Variants in C17orf100 observed in about 807,000 individuals in gnomAD.
The protein encoded by C17orf100 is uncharacterized protein C17orf100.
In C17orf100, 1 loss-of-function variant was observed where a neutral mutation model predicts 0.7. That is an observed-to-expected ratio of 1.50 (90% confidence interval 0.53 to 7.13). The LOEUF (loss-of-function observed/expected upper bound fraction) is 7.13, where lower values mean the gene tolerates loss of function less well. Ranked by LOEUF, C17orf100 falls within the 30% of genes most tolerant of loss-of-function variation. The pLI is 0.14. For missense variants in C17orf100, 168 were observed against 171.5 expected (o/e 0.98, Z 0.11); for synonymous variants, 87 against 84.0 (o/e 1.04, Z -0.20).
In C17orf100 at chr17:6,653,320, A is replaced by G. The variant is rs1972861045; in HGVS notation, c.*1050A>G. The G allele has an allele frequency of 6.0e-6, 1 of 166,468 alleles. No homozygotes were observed. Among genetic ancestry groups the G allele is most frequent in the Non-Finnish European group, 1.5e-5 (1 of 68,128 alleles). 10.3% of individuals were successfully genotyped at this position (166,468 alleles called of 1,614,324 possible). On this transcript the variant is annotated 3_prime_UTR_variant, in exon 1 of 1. Transcript: ENST00000542475. ...CCATCTTAAGTTGGGAACTGTCTGT[A>G]TTCTGGGAACTTGGGCTATAGCAGT...
rs998218485 is a variant in C17orf100, at chr17:6,652,227, G to C, written c.314G>C (p.Arg105Pro). The C allele has an allele frequency of 2.0e-5, 32 of 1,607,870 alleles. No homozygotes were observed. The highest frequency in any genetic ancestry group is 1.6e-4 in the Middle Eastern group (1 of 6,062). Residue 105 changes from arginine to proline, a missense_variant, in exon 1 of 1, where the codon CGG becomes CCG. Physicochemically the swap from Arg to Pro is moderately radical, Grantham distance 103. Transcript: ENST00000542475. Reference protein sequence around the residue: ...SLHCAESPTPRAKPAARQNEK... With the variant: ...SLHCAESPTPPAKPAARQNEK... Reference sequence around the variant, plus strand: ...CACTGCGCGGAGAGCCCGACCCCGCGGGCCAAGCCGGCCGCCCGCCAGAAC... The same window carrying C: ...CACTGCGCGGAGAGCCCGACCCCGCCGGCCAAGCCGGCCGCCCGCCAGAAC...
At position 6,652,329 on chromosome 17, in the gene C17orf100, T is replaced by G; in HGVS notation, c.*59T>G. 1 of 1,599,816 alleles carries G rather than the reference T, an allele frequency of 6.3e-7. No homozygotes were observed. The highest frequency in any genetic ancestry group is 1.1e-5 in the South Asian group (1 of 89,202). On this transcript the variant is annotated 3_prime_UTR_variant, in exon 1 of 1. Transcript: ENST00000542475. ...GGCCCTCAGCCAGGACAGAAAGGCC[T>G]CCAGTTGCCAGCCAGCCAGCCAGCT... is the stretch of plus-strand genomic sequence containing the variant.
In C17orf100 at chr17:6,653,436, T is replaced by G. The variant is rs1972861652; in HGVS notation, c.*1166T>G. 6.5e-6 allele frequency: 1 copy of G among 154,050 alleles called. No individual in the cohort carries two copies. Among genetic ancestry groups the G allele is most frequent in the Non-Finnish European group, 1.5e-5 (1 of 68,056 alleles). 9.5% of individuals were successfully genotyped at this position (154,050 alleles called of 1,614,324 possible). On this transcript the variant is annotated 3_prime_UTR_variant, in exon 1 of 1. Coordinates refer to ENST00000542475, the MANE Select transcript of C17orf100 (RefSeq NM_001105520.2). ...GAAACAAGACAATTTTCTATTGTGA[T>G]TAGCACTATGAAGGAAATACATGGG...
At position 6,652,074 on chromosome 17, in the gene C17orf100, C is replaced by T. The variant is rs369855083; in HGVS notation, c.161C>T (p.Ser54Phe). ...CGCCGCAGCGAGGGGCCCTCCCTCT[C>T]CCCCTCGGGGAAGCGGCTCCCTCGC... is the stretch of plus-strand genomic sequence containing the variant. ...SQRRSEGPSL[S>F]PSGKRLPRIL... The change falls in exon 1 of 1, where the codon TCC (serine) becomes TTC (phenylalanine). Residue 54 changes from serine (S) to phenylalanine (F), a missense_variant. Ser to Phe is a radical substitution (Grantham distance 155). Transcript: ENST00000542475. 8.9e-6 allele frequency: 14 copies of T among 1,569,894 alleles called. No homozygotes were observed. Among genetic ancestry groups the T allele is most frequent in the Non-Finnish European group, 1.2e-5 (14 of 1,161,050 alleles).
rs1972853661 is a variant in C17orf100, at chr17:6,652,469, G to C, written c.*199G>C. The C allele has an allele frequency of 1.4e-6, 2 of 1,460,572 alleles. No homozygotes were observed. The highest frequency in any genetic ancestry group is 1.8e-6 in the Non-Finnish European group (2 of 1,105,588). The allele number at this position is 1,460,572 out of a possible 1,614,324, so 90.5% of individuals were successfully genotyped here. ...ACGTTTACTGACCGTCCTGCGTCTT[G>C]GACCAGCCTACTTTTGACCCAGTGA... On this transcript the variant is annotated 3_prime_UTR_variant, in exon 1 of 1. Coordinates refer to ENST00000542475, the MANE Select transcript of C17orf100 (RefSeq NM_001105520.2).
In C17orf100 at chr17:6,651,818, G is replaced by T; in HGVS notation, c.-96G>T. 6.9e-7 allele frequency: 1 copy of T among 1,443,698 alleles called. No homozygotes were observed. The highest frequency in any genetic ancestry group is 9.1e-7 in the Non-Finnish European group (1 of 1,102,830). The allele number at this position is 1,443,698 out of a possible 1,614,324, so 89.4% of individuals were successfully genotyped here. A position where few individuals can be genotyped will look rare whatever the true frequency, so the allele number is the denominator to read the frequency against. ...ACGTCATCGTGTTGTGGCGCTCCCG[G>T]CTATGGCAGTACCGTAGTTTTCCTC... On this transcript the variant is annotated 5_prime_UTR_variant, in exon 1 of 1. Transcript: ENST00000542475.
Position 6,652,032 on chromosome 17 carries a change from G to T in C17orf100, c.119G>T (p.Arg40Leu). The T allele has an allele frequency of 6.4e-7, 1 of 1,555,728 alleles. No individual in the cohort carries two copies. Among genetic ancestry groups the T allele is most frequent in the Non-Finnish European group, 8.7e-7 (1 of 1,150,882 alleles). The change falls in exon 1 of 1, where the codon CGG becomes CTG. Residue 40 changes from arginine (R) to leucine (L), a missense_variant. By Grantham distance (102) the Arg-to-Leu change is moderately radical. Transcript: ENST00000542475. ...SSHRVETSSR[R>L]VETSQRRSEG... ...CACCGCGTGGAGACGTCGTCCCGGC[G>T]GGTGGAGACCTCCCAGCGCCGCAGC...
chr17:6,651,794 C>G lies in C17orf100; in HGVS notation c.-120C>G, dbSNP rs573264152. 5 of 1,442,156 alleles carry G rather than the reference C, an allele frequency of 3.5e-6. No homozygotes were observed. The South Asian group carries it at 4.5e-5, about 13-fold the overall frequency. 89.3% of individuals were successfully genotyped at this position (1,442,156 alleles called of 1,614,324 possible). On this transcript the variant is annotated 5_prime_UTR_variant, in exon 1 of 1. Coordinates refer to ENST00000542475, the MANE Select transcript of C17orf100 (RefSeq NM_001105520.2). ...CCTTCGAAGGACCATGGTGCTTCCA[C>G]GTCATCGTGTTGTGGCGCTCCCGGC...
chr17:6,652,545 T>G lies in C17orf100; in HGVS notation c.*275T>G. On this transcript the variant is annotated 3_prime_UTR_variant, in exon 1 of 1. Coordinates refer to ENST00000542475, the MANE Select transcript of C17orf100 (RefSeq NM_001105520.2). ...GAAGGTTTTCAGGCCCAGGATGCTG[T>G]CTAAATCGGGTTGATGGACAAAGAG... is the stretch of plus-strand genomic sequence containing the variant. 7.4e-7 allele frequency: 1 copy of G among 1,352,398 alleles called. No homozygotes were observed. Among genetic ancestry groups the G allele is most frequent in the Non-Finnish European group, 9.7e-7 (1 of 1,032,208 alleles). The allele number at this position is 1,352,398 out of a possible 1,614,324, so 83.8% of individuals were successfully genotyped here.
chr17:6,652,190 G>T lies in C17orf100; in HGVS notation c.277G>T (p.Glu93Ter). 1 of 1,605,698 alleles carries T rather than the reference G, an allele frequency of 6.2e-7. No individual in the cohort carries two copies. The change falls in exon 1 of 1, where the codon GAG (glutamate) becomes TAG (stop). Residue 93 changes from glutamate to a stop codon, truncating the protein, a stop_gained. Transcript: ENST00000542475. LOFTEE classifies it low-confidence loss of function (END_TRUNC). ...CGTCAGAGCCTCGTCCCTGAGGGTG[G>T]AGACGTCTCTGCACTGCGCGGAGAG... The part of the protein sequence containing the change: ...RHVRASSLRV[E>*]TSLHCAESPT...
chr17:6,652,507 T>G lies in C17orf100; in HGVS notation c.*237T>G. 1 of 1,434,996 alleles carries G rather than the reference T, an allele frequency of 7.0e-7. No homozygotes were observed. The highest frequency in any genetic ancestry group is 9.2e-7 in the Non-Finnish European group (1 of 1,089,202). 88.9% of individuals were successfully genotyped at this position (1,434,996 alleles called of 1,614,324 possible). On this transcript the variant is annotated 3_prime_UTR_variant, in exon 1 of 1. Coordinates refer to ENST00000542475, the MANE Select transcript of C17orf100 (RefSeq NM_001105520.2). ...TTTGACCCAGTGAACTATTTTCACT[T>G]GAAGCCAGCACAGAAGGTTTTCAGG...
Position 6,652,357 on chromosome 17 carries a change from C to A in C17orf100, c.*87C>A. ...AGTTGCCAGCCAGCCAGCCAGCTGC[C>A]AGGTGGACCAATCATTTTCGGTTTC... On this transcript the variant is annotated 3_prime_UTR_variant, in exon 1 of 1. Coordinates refer to ENST00000542475, the MANE Select transcript of C17orf100 (RefSeq NM_001105520.2). The A allele has an allele frequency of 6.4e-7, 1 of 1,568,868 alleles. No homozygotes were observed. The highest frequency in any genetic ancestry group is 8.6e-7 in the Non-Finnish European group (1 of 1,159,404).
Position 6,651,907 on chromosome 17 carries a change from C to T in C17orf100, c.-7C>T, listed in dbSNP as rs779442321. On this transcript the variant is annotated 5_prime_UTR_variant, in exon 1 of 1. Coordinates refer to ENST00000542475, the MANE Select transcript of C17orf100 (RefSeq NM_001105520.2). ...CGAGGCCTCCCTGGCCCCCTCACGC[C>T]GGCAGAATGGCCTCAGCCCGAGGGG... 1.5e-5 allele frequency: 22 copies of T among 1,472,412 alleles called. No individual in the cohort carries two copies. The South Asian group carries it at 2.6e-4, about 18-fold the overall frequency. 91.2% of individuals were successfully genotyped at this position (1,472,412 alleles called of 1,614,324 possible). A position where few individuals can be genotyped will look rare whatever the true frequency, so the allele number is the denominator to read the frequency against.
In C17orf100 at chr17:6,651,858, T is replaced by C; in HGVS notation, c.-56T>C. ...TAGTTTTCCTCTCTTCTGCCTGCGG[T>C]GACCATTGGGCTGTAGGGTGCCCCG... is the stretch of plus-strand genomic sequence containing the variant. On this transcript the variant is annotated 5_prime_UTR_variant, in exon 1 of 1. Coordinates refer to ENST00000542475, the MANE Select transcript of C17orf100 (RefSeq NM_001105520.2). 1 of 1,449,630 alleles carries C rather than the reference T, an allele frequency of 6.9e-7. No individual in the cohort carries two copies. The highest frequency in any genetic ancestry group is 9.1e-7 in the Non-Finnish European group (1 of 1,102,118). 89.8% of individuals were successfully genotyped at this position (1,449,630 alleles called of 1,614,324 possible).
In C17orf100 at chr17:6,652,218, C is replaced by T; in HGVS notation, c.305C>T (p.Pro102Leu). Residue 102 changes from proline to leucine, a missense_variant, in exon 1 of 1, where the codon CCG (proline) becomes CTG (leucine). Transcript: ENST00000542475. ...VETSLHCAES[P>L]TPRAKPAARQ... ...ACGTCTCTGCACTGCGCGGAGAGCCCGACCCCGCGGGCCAAGCCGGCCGCC... is the reference window on the plus strand; with the variant it reads ...ACGTCTCTGCACTGCGCGGAGAGCCTGACCCCGCGGGCCAAGCCGGCCGCC... 6.2e-7 allele frequency: 1 copy of T among 1,607,034 alleles called. No homozygotes were observed. The highest frequency in any genetic ancestry group is 8.5e-7 in the Non-Finnish European group (1 of 1,179,674).
rs1972843004 is a variant in C17orf100, at chr17:6,651,850, G to A, written c.-64G>A. On this transcript the variant is annotated 5_prime_UTR_variant, in exon 1 of 1. Transcript: ENST00000542475. ...CAGTACCGTAGTTTTCCTCTCTTCTGCCTGCGGTGACCATTGGGCTGTAGG... is the reference window on the plus strand; with the variant it reads ...CAGTACCGTAGTTTTCCTCTCTTCTACCTGCGGTGACCATTGGGCTGTAGG... 1.4e-6 allele frequency: 2 copies of A among 1,448,180 alleles called. No individual in the cohort carries two copies. The highest frequency in any genetic ancestry group is 9.1e-7 in the Non-Finnish European group (1 of 1,102,328). The allele number at this position is 1,448,180 out of a possible 1,614,324, so 89.7% of individuals were successfully genotyped here.
In C17orf100 at chr17:6,653,222, A is replaced by T. The variant is rs4796343; in HGVS notation, c.*952A>T. ...CTAAAAGTGAAAAAGAATGGTTGTA[A>T]GAGTACTTAAAGTACTATTTCTACT... On this transcript the variant is annotated 3_prime_UTR_variant, in exon 1 of 1. Transcript: ENST00000542475. The T allele has an allele frequency of 0.54, 90,256 of 166,336 alleles. 24,867 individuals are homozygous for T. Among genetic ancestry groups the T allele is most frequent in the East Asian group, 0.75 (3,859 of 5,134 alleles). 10.3% of individuals were successfully genotyped at this position (166,336 alleles called of 1,614,324 possible).
Position 6,652,404 on chromosome 17 carries a change from A to C in C17orf100, c.*134A>C. The C allele has an allele frequency of 6.6e-7, 1 of 1,520,000 alleles. No individual in the cohort carries two copies. Among genetic ancestry groups the C allele is most frequent in the Non-Finnish European group, 8.8e-7 (1 of 1,133,864 alleles). The allele number at this position is 1,520,000 out of a possible 1,614,324, so 94.2% of individuals were successfully genotyped here. A position where few individuals can be genotyped will look rare whatever the true frequency, so the allele number is the denominator to read the frequency against. Reference sequence around the variant, plus strand: ...TTTCATGGAAACAAACCATAAATCAATGTAAGAAACAGCCAAGCCGCAGTT... The same window carrying C: ...TTTCATGGAAACAAACCATAAATCACTGTAAGAAACAGCCAAGCCGCAGTT... On this transcript the variant is annotated 3_prime_UTR_variant, in exon 1 of 1. Coordinates refer to ENST00000542475, the MANE Select transcript of C17orf100 (RefSeq NM_001105520.2).
Position 6,652,417 on chromosome 17 carries a change from C to T in C17orf100, c.*147C>T, listed in dbSNP as rs1191652599. 3 of 1,504,370 alleles carry T rather than the reference C, an allele frequency of 2.0e-6. No homozygotes were observed. The highest frequency in any genetic ancestry group is 2.5e-5 in the East Asian group (1 of 40,562). 93.2% of individuals were successfully genotyped at this position (1,504,370 alleles called of 1,614,324 possible). A position where few individuals can be genotyped will look rare whatever the true frequency, so the allele number is the denominator to read the frequency against. On this transcript the variant is annotated 3_prime_UTR_variant, in exon 1 of 1. Coordinates refer to ENST00000542475, the MANE Select transcript of C17orf100 (RefSeq NM_001105520.2). ...AACCATAAATCAATGTAAGAAACAGCCAAGCCGCAGTTTCTGAACACAGCC... is the reference window on the plus strand; with the variant it reads ...AACCATAAATCAATGTAAGAAACAGTCAAGCCGCAGTTTCTGAACACAGCC...
Sources: gnomAD v4.1 joint callset for allele counts on GRCh38, gnomAD v4.1.1 for gene constraint, MANE v1.5 for transcripts, NCBI Gene and HGNC (gene_info 2026-07-23, HGNC 2026-07-21) for gene names.